NFIA: variants seen among roughly 807,000 people sequenced by gnomAD.
NFIA encodes the protein nuclear factor 1 A-type.
Under a neutral mutation model 62.8 loss-of-function variants are expected in NFIA, and 8 were observed. The ratio of observed to expected loss-of-function variants is 0.13; its 90% CI spans 0.07 to 0.23. The LOEUF (loss-of-function observed/expected upper bound fraction) is 0.23, where lower values mean the gene tolerates loss of function less well. NFIA is among the 10% of genes least tolerant of loss of function. The pLI is 1.00. For synonymous variants in NFIA, 235 were observed against 238.1 expected (o/e 0.99, Z 0.12); for missense variants, 410 against 642.1 (o/e 0.64, Z 3.91).
chr1:61,228,084 T>G (rs530704600), intron 2 of NFIA, among the ~76,000 whole-genome samples: 44 of 152,348 alleles, frequency 2.9e-4, no homozygotes, highest in Non-Finnish European at 8.8e-5. Context: ...ATGGATCCTA[T>G]TGAGTAACTT....
Position 61,197,873 on chromosome 1 carries a change from C to T in NFIA, c.560-79647C>T, listed in dbSNP as rs769667084. 3.3e-5 allele frequency among the ~76,000 whole-genome samples: 5 copies of T among 151,734 alleles called. No individual in the cohort carries two copies. The East Asian group carries it at 5.9e-4, about 18-fold the overall frequency. On this transcript the variant is annotated intron_variant, in intron 2 of 10. Coordinates refer to ENST00000403491, the MANE Select transcript of NFIA (RefSeq NM_001134673.4). ...GTGGGTGCCAGTAATTCCAGCTACT[C>T]GGGAGGCTGAGGCAGGAGAATCGCT... is the stretch of plus-strand genomic sequence containing the variant.
At chr1:61,415,074 A>G (rs1666291479) in intron 9 of NFIA, among the ~76,000 whole-genome samples, 1 of 152,152 alleles carries the variant, frequency 6.6e-6, no homozygotes, top group Admixed American at 6.5e-5. Flanking sequence ...TATGTTTCAA[A>G]AATTGAGAGA....
chr1:61,174,184 A>T (rs1557614135), intron 2 of NFIA, among the ~76,000 whole-genome samples: 6 of 152,280 alleles, frequency 3.9e-5, no homozygotes. Context: ...CATTATGCAG[A>T]TGGAGAGGTC....
chr1:61,156,550 T>C (rs1266822656), intron 2 of NFIA, among the ~76,000 whole-genome samples: 1 of 152,232 alleles, frequency 6.6e-6, no homozygotes, highest in African/African-American at 2.4e-5. Context: ...TAGTTTAAAA[T>C]GATATTCTCT....
At chr1:61,353,169 C>T (rs1311932650) in intron 5 of NFIA, among the ~76,000 whole-genome samples, 2 of 151,780 alleles carry the variant, frequency 1.3e-5, no homozygotes, top group African/African-American at 4.8e-5. Flanking sequence ...ACTGGAGTTG[C>T]CCTAAAAGGT....
chr1:61,193,756 T>A (rs76298915), intron 2 of NFIA, among the ~76,000 whole-genome samples: 1,717 of 152,352 alleles, frequency 0.011, 33 homozygotes, highest in East Asian at 0.062. Context: ...TTAATGCATT[T>A]ACTTTATAAT....
chr1:61,223,353 A>AT (rs1290435602), intron 2 of NFIA, among the ~76,000 whole-genome samples: 1 of 151,970 alleles, frequency 6.6e-6, no homozygotes, highest in Non-Finnish European at 1.5e-5. Context: ...TTCTTGTGTC[A>AT]TTTTTTTAAA....
intron 2 of NFIA, among the ~76,000 whole-genome samples, chr1:61,216,765 C>T (rs1653651340): frequency 6.6e-6 from 1 of 151,994 alleles, no homozygotes; most frequent in Non-Finnish European, 1.5e-5. Context: ...TTTGGGAGGC[C>T]GAGGCAGGCA....
intron 2 of NFIA, among the ~76,000 whole-genome samples, chr1:61,262,535 G>C (rs1181747144): frequency 6.6e-6 from 1 of 152,180 alleles, no homozygotes; most frequent in African/African-American, 2.4e-5. Context: ...TATCTACAAT[G>C]GTGTAGACGT....
intron 9 of NFIA, among the ~76,000 whole-genome samples, chr1:61,413,557 C>G (rs989791976): frequency 2.7e-5 from 4 of 149,366 alleles, no homozygotes; most frequent in African/African-American, 4.9e-5. Context: ...ATTTCTGATT[C>G]TGGGGGGAAC....
intron 2 of NFIA, among the ~76,000 whole-genome samples, chr1:61,095,523 A>C (rs188786650): frequency 6.6e-6 from 1 of 152,166 alleles, no homozygotes; most frequent in African/African-American, 2.4e-5. Flanking sequence ...ATGGTATCAC[A>C]CACCTGTCTT....
intron 3 of NFIA, among the ~76,000 whole-genome samples, chr1:61,323,961 A>T (rs1028340246): frequency 6.6e-6 from 1 of 152,162 alleles, no homozygotes; most frequent in African/African-American, 2.4e-5. Flanking sequence ...CTGTCCAGTC[A>T]GGTAGAAAGA....
intron 2 of NFIA, among the ~76,000 whole-genome samples, chr1:61,108,793 T>G (rs1646647620): frequency 6.6e-6 from 1 of 151,808 alleles, no homozygotes; most frequent in Non-Finnish European, 1.5e-5. Context: ...TTTTTAAAAA[T>G]TTTATGGTTT....
intron 10 of NFIA, among the ~76,000 whole-genome samples, chr1:61,448,085 T>C (rs998523663): frequency 6.6e-6 from 1 of 152,210 alleles, no homozygotes; most frequent in African/African-American, 2.4e-5. Flanking sequence ...ATCTATGTAG[T>C]ATGCCATTCG....
At chr1:61,112,555 TTTG>T (rs1312551002) in intron 2 of NFIA, among the ~76,000 whole-genome samples, 1 of 152,176 alleles carries the variant, frequency 6.6e-6, no homozygotes, top group African/African-American at 2.4e-5. Context: ...TAATTGTCTT[TTTG>T]TTGTTGTTGA....
chr1:61,289,408 A>G (rs1189859594), intron 3 of NFIA, among the ~76,000 whole-genome samples: 2 of 152,126 alleles, frequency 1.3e-5, no homozygotes, highest in Non-Finnish European at 2.9e-5. Context: ...TAGTGTGCCC[A>G]TTTTACAGAT....
chr1:61,083,829 A>G (rs1646168586), intron 1 of NFIA, among the ~76,000 whole-genome samples: 1 of 151,568 alleles, frequency 6.6e-6, no homozygotes, highest in Admixed American at 6.6e-5. Flanking sequence ...GGACGGGGGC[A>G]ACTTTTCCCC....
At chr1:61,199,961 C>T (rs1209915667) in intron 2 of NFIA, among the ~76,000 whole-genome samples, 1 of 144,052 alleles carries the variant, frequency 6.9e-6, no homozygotes, top group African/African-American at 2.6e-5. Flanking sequence ...CATCACTGCA[C>T]TCCAGCCTGC....
chr1:61,275,522 GATTA>G (rs1657756805), intron 2 of NFIA, among the ~76,000 whole-genome samples: 1 of 152,096 alleles, frequency 6.6e-6, no homozygotes, highest in African/African-American at 2.4e-5. Flanking sequence ...ATAGAGAAGT[GATTA>G]ATTATAAAGA....
Sources: allele counts gnomAD v4.1 joint callset (sites outside exome capture counted in the v4.1 genomes callset), GRCh38; gene constraint gnomAD v4.1.1; transcripts MANE v1.5; gene names NCBI Gene and HGNC (gene_info 2026-07-23, HGNC 2026-07-21).